The following ATRNL1 variants were observed in gnomAD, a reference collection of about 807,000 sequenced individuals.
The protein encoded by ATRNL1 is attractin like 1.
Under a neutral mutation model 182.7 loss-of-function variants are expected in ATRNL1, and 95 were observed. The observed-to-expected ratio is 0.52, with a 90% confidence interval of 0.44 to 0.62. ATRNL1 has a LOEUF of 0.62. Among genes scored for constraint, ATRNL1 ranks in the 20% least tolerant of loss-of-function variants. The probability of loss-of-function intolerance (pLI) is 0.00; values close to 1 mark genes in which losing one functional copy is unlikely to be tolerated. For synonymous variants in ATRNL1, 576 were observed against 568.3 expected (o/e 1.01, Z -0.19); for missense variants, 1,471 against 1,679.5 (o/e 0.88, Z 2.17).
intron 26 of ATRNL1, among the ~76,000 whole-genome samples, chr10:115,646,066 C>CACACACACACACACAA (rs1346743788): frequency 6.6e-6 from 1 of 151,488 alleles, no homozygotes; most frequent in African/African-American, 2.4e-5. Flanking sequence ...CACACACACA[C>CACACACACACACACAA]ACAAACATAT....
In ATRNL1 at chr10:115,549,302, A is replaced by T. The variant is rs142444341; in HGVS notation, c.3717-156A>T. ...ACCTGTACATTTTGGTTTTGAGAGA[A>T]CATTTTAAGCATTGGAAATTTATCA... On this transcript the variant is annotated intron_variant, in intron 25 of 28. Coordinates refer to ENST00000355044, the MANE Select transcript of ATRNL1 (RefSeq NM_207303.4). 2.0e-5 allele frequency among the ~76,000 whole-genome samples: 3 copies of T among 152,194 alleles called. No individual in the cohort carries two copies. The East Asian group carries it at 5.8e-4, about 29-fold the overall frequency.
intron 4 of ATRNL1, among the ~76,000 whole-genome samples, chr10:115,129,116 G>A (rs983662764): frequency 1.3e-5 from 2 of 152,140 alleles, no homozygotes. Flanking sequence ...AAGTAAATCT[G>A]TTGAATAAAA....
chr10:115,291,207 G>C (rs952802732), intron 15 of ATRNL1, among the ~76,000 whole-genome samples: 145 of 152,298 alleles, frequency 9.5e-4, no homozygotes, highest in East Asian at 3.9e-4. Context: ...TTTCTTTCTA[G>C]TTCTTGTATA....
chr10:115,416,553 G>T (rs1414426241), intron 20 of ATRNL1, among the ~76,000 whole-genome samples: 1 of 152,082 alleles, frequency 6.6e-6, no homozygotes, highest in Admixed American at 6.5e-5. Flanking sequence ...TCTTAACAAG[G>T]TGGTGTTGGT....
At chr10:115,141,113 A>G (rs1554877894) in intron 5 of ATRNL1, among the ~76,000 whole-genome samples, 1 of 152,168 alleles carries the variant, frequency 6.6e-6, no homozygotes, top group African/African-American at 2.4e-5. Flanking sequence ...CAAGAAGTTA[A>G]GAATGATTAT....
chr10:115,352,952 A>T (rs1286400963), intron 19 of ATRNL1, among the ~76,000 whole-genome samples: 2 of 152,172 alleles, frequency 1.3e-5, no homozygotes, highest in Admixed American at 1.3e-4. Context: ...TTTGACATGT[A>T]ATACTTTGTT....
chr10:115,677,150 G>A (rs534119776), intron 26 of ATRNL1, among the ~76,000 whole-genome samples: 2 of 152,192 alleles, frequency 1.3e-5, no homozygotes, highest in African/African-American at 2.4e-5. Flanking sequence ...AAAACAAGTC[G>A]ATAGAGGGCT....
At chr10:115,710,422 G>C (rs564536282) in intron 26 of ATRNL1, among the ~76,000 whole-genome samples, 1 of 152,100 alleles carries the variant, frequency 6.6e-6, no homozygotes, top group Non-Finnish European at 1.5e-5. Flanking sequence ...TCATAATTGC[G>C]TGACCTGTGA....
At chr10:115,684,084 T>C (rs1415107469) in intron 26 of ATRNL1, among the ~76,000 whole-genome samples, 2 of 151,762 alleles carry the variant, frequency 1.3e-5, no homozygotes, top group African/African-American at 4.8e-5. Context: ...ACAGAAATTA[T>C]TGTTCTGTAT....
intron 10 of ATRNL1, among the ~76,000 whole-genome samples, chr10:115,259,361 G>A (rs1345706745): frequency 6.6e-6 from 1 of 151,034 alleles, no homozygotes; most frequent in Admixed American, 6.6e-5. Flanking sequence ...CTGCCTCGCA[G>A]TTCAATCTCA....
At position 115,445,808 on chromosome 10, in the gene ATRNL1, T is replaced by C. The variant is rs1554966621; in HGVS notation, c.3323-16133T>C. ...CAGCTAGTGGCTACCATTTATCTTC[T>C]TTTTGTCTGTATGGATTTGTCTATT... On this transcript the variant is annotated intron_variant, in intron 21 of 28. Coordinates refer to ENST00000355044, the MANE Select transcript of ATRNL1 (RefSeq NM_207303.4). 2.0e-5 allele frequency among the ~76,000 whole-genome samples: 3 copies of C among 152,232 alleles called. No individual in the cohort carries two copies. In the South Asian group the frequency reaches 6.2e-4, roughly 31 times the overall value.
intron 8 of ATRNL1, among the ~76,000 whole-genome samples, chr10:115,205,154 A>G (rs545579011): frequency 6.6e-6 from 1 of 152,158 alleles, no homozygotes; most frequent in African/African-American, 2.4e-5. Context: ...TAACCTTTAT[A>G]CTACAGATAA....
At chr10:115,483,304 C>T (rs1554974549) in intron 24 of ATRNL1, among the ~76,000 whole-genome samples, 2 of 151,348 alleles carry the variant, frequency 1.3e-5, no homozygotes, top group African/African-American at 4.8e-5. Flanking sequence ...CTCAAACTTT[C>T]ACGCTGGGAA....
intron 9 of ATRNL1, among the ~76,000 whole-genome samples, chr10:115,234,457 C>T (rs1850088236): frequency 6.6e-6 from 1 of 151,952 alleles, no homozygotes; most frequent in South Asian, 2.1e-4. Flanking sequence ...CAAAGATACT[C>T]TCTTACATAA....
intron 4 of ATRNL1, 126 bp downstream of exon 4, chr10:115,127,847 T>A: frequency 1.7e-6 from 1 of 603,650 alleles, no homozygotes; most frequent in Non-Finnish European, 2.6e-6. Context: ...AATTTCAAAT[T>A]AGTAGGCAGG....
chr10:115,295,652 T>C (rs1853145781), intron 15 of ATRNL1, among the ~76,000 whole-genome samples: 1 of 152,056 alleles, frequency 6.6e-6, no homozygotes, highest in South Asian at 2.1e-4. Context: ...GGGCCTCTCC[T>C]GCTTGGGGGA....
chr10:115,380,413 T>G (rs1857932486), intron 19 of ATRNL1, among the ~76,000 whole-genome samples: 1 of 152,142 alleles, frequency 6.6e-6, no homozygotes, highest in Non-Finnish European at 1.5e-5. Flanking sequence ...ATTCAGTTGT[T>G]TTTACTGTAT....
intron 26 of ATRNL1, among the ~76,000 whole-genome samples, chr10:115,572,517 A>G (rs545357017): frequency 1.3e-5 from 2 of 152,204 alleles, no homozygotes; most frequent in East Asian, 3.9e-4. Flanking sequence ...AACCTAAACC[A>G]TAAGAACTGG....
At position 115,171,167 on chromosome 10, in the gene ATRNL1, A is replaced by C; in HGVS notation, c.1223A>C (p.Gln408Pro). ...CCTACTGTTCTTGGACATGGTCAGC[A>C]GTATGCTGTGGAGGGACATTCAGCA... ...KTPTVLGHGQQYAVEGHSAHI... is the reference protein window; with the variant it reads ...KTPTVLGHGQPYAVEGHSAHI... Residue 408 changes from glutamine (Q) to proline (P), a missense_variant, in exon 8 of 29, where the codon CAG becomes CCG. Physicochemically the swap from Gln to Pro is moderately conservative, Grantham distance 76 (BLOSUM62 -1). Around this residue, in one of 3 missense-constraint regions of ATRNL1, gnomAD observed 1,031 missense variants for 1,156.0 expected, o/e 0.89. Transcript: ENST00000355044. 1.2e-6 allele frequency: 2 copies of C among 1,611,788 alleles called. No individual in the cohort carries two copies. The highest frequency in any genetic ancestry group is 1.7e-6 in the Non-Finnish European group (2 of 1,178,426).
Sources: allele counts gnomAD v4.1 joint callset (sites outside exome capture counted in the v4.1 genomes callset), GRCh38; gene constraint gnomAD v4.1.1; regional missense constraint gnomAD v4.1.1; transcripts MANE v1.5; gene names NCBI Gene and HGNC (gene_info 2026-07-23, HGNC 2026-07-21).